SLCO1B3: variants seen among roughly 807,000 people sequenced by gnomAD.
SLCO1B3 encodes the protein liver-specific organic anion transporter 2.
Under a neutral mutation model 71.8 loss-of-function variants are expected in SLCO1B3, and 72 were observed. The observed-to-expected ratio is 1.00, with a 90% confidence interval of 0.83 to 1.22. The LOEUF is 1.22. Among genes scored for constraint, SLCO1B3 ranks in the 50% most tolerant of loss-of-function variants. SLCO1B3 has a pLI of 0.00. For missense variants in SLCO1B3, 911 were observed against 819.7 expected (o/e 1.11, Z -1.36); for synonymous variants, 298 against 278.4 (o/e 1.07, Z -0.70).
chr12:20,868,834 T>C (rs1865422490), intron 8 of SLCO1B3, among the ~76,000 whole-genome samples: 1 of 152,110 alleles, frequency 6.6e-6, no homozygotes, highest in Admixed American at 6.6e-5. Context: ...GTGGATCACA[T>C]GTCCACTAGA....
rs1865730660 is a variant in SLCO1B3, at chr12:20,883,425, A to G, written c.1505A>G (p.Tyr502Cys). The change falls in exon 13 of 16, where the codon TAT becomes TGT. Residue 502 changes from tyrosine (Y) to cysteine (C), a missense_variant. Tyr to Cys is a radical substitution (Grantham distance 194). Transcript: ENST00000381545. ...SSGIKKHTVF[Y>C]NCSCVEVTGL... ...TTCAAAAACTATTTTTAGGTGTTTT[A>G]TAACTGTAGTTGTGTGGAAGTAACT... 3.3e-6 allele frequency: 5 copies of G among 1,531,850 alleles called. No homozygotes were observed. In the African/African-American group the frequency reaches 7.1e-5, roughly 22 times the overall value. 94.9% of individuals were successfully genotyped at this position (1,531,850 alleles called of 1,614,324 possible).
At chr12:20,912,095 T>G (rs1174336860) in intron 15 of SLCO1B3, among the ~76,000 whole-genome samples, 1 of 152,050 alleles carries the variant, frequency 6.6e-6, no homozygotes, top group Non-Finnish European at 1.5e-5. Flanking sequence ...TAATTTTATT[T>G]TCACTTATTT....
At chr12:20,820,237 T>C (rs1864269296) in intron 3 of SLCO1B3, among the ~76,000 whole-genome samples, 1 of 152,038 alleles carries the variant, frequency 6.6e-6, no homozygotes, top group South Asian at 2.1e-4. Context: ...TCCGTGATGG[T>C]CTATGGGGCT....
chr12:20,811,905 A>ATTTTTTT (rs11292391), intron 1 of SLCO1B3, among the ~76,000 whole-genome samples: 4,050 of 114,488 alleles, frequency 0.035, 174 homozygotes, highest in East Asian at 0.081. Context: ...TACTTGATAC[A>ATTTTTTT]TTTTTTTTTT....
At chr12:20,857,745 A>G (rs765163675) in intron 4 of SLCO1B3, among the ~76,000 whole-genome samples, 5 of 151,980 alleles carry the variant, frequency 3.3e-5, no homozygotes, top group Non-Finnish European at 5.9e-5. Context: ...TCGTGAAACT[A>G]TTTTCCATCA....
intron 3 of SLCO1B3, among the ~76,000 whole-genome samples, chr12:20,823,692 T>A (rs1233506670): frequency 6.6e-6 from 1 of 152,184 alleles, no homozygotes; most frequent in African/African-American, 2.4e-5. Context: ...AGATTAGACG[T>A]TTGTGAATGC....
At chr12:20,873,998 G>A (rs1187971681) in intron 8 of SLCO1B3, among the ~76,000 whole-genome samples, 1 of 152,104 alleles carries the variant, frequency 6.6e-6, no homozygotes, top group Non-Finnish European at 1.5e-5. Flanking sequence ...GCCTTATACA[G>A]TCTATCATTG....
intron 3 of SLCO1B3, among the ~76,000 whole-genome samples, chr12:20,844,002 ATTTAT>A (rs948217558): frequency 1.3e-5 from 2 of 151,850 alleles, no homozygotes; most frequent in African/African-American, 4.8e-5. Context: ...GAAAATGTGC[ATTTAT>A]TTTATTTTTT....
At chr12:20,820,202 T>C (rs906331059) in intron 3 of SLCO1B3, among the ~76,000 whole-genome samples, 2 of 152,150 alleles carry the variant, frequency 1.3e-5, no homozygotes, top group Admixed American at 6.5e-5. Context: ...TACCCTCCAC[T>C]GTGAGAGTTA....
At chr12:20,909,165 C>CTTTTTTTT (rs1006708034) in intron 15 of SLCO1B3, among the ~76,000 whole-genome samples, 4 of 123,862 alleles carry the variant, frequency 3.2e-5, no homozygotes, top group Non-Finnish European at 5.1e-5. Flanking sequence ...GCATCTTTTT[C>CTTTTTTTT]TTTTTTTTTT....
At chr12:20,882,372 A>C (rs1474347432) in intron 12 of SLCO1B3, among the ~76,000 whole-genome samples, 1 of 152,156 alleles carries the variant, frequency 6.6e-6, no homozygotes, top group Non-Finnish European at 1.5e-5. Flanking sequence ...GGAAAAAAGG[A>C]ATCTTTCTTG....
At chr12:20,899,804 T>A (rs1396691024) in intron 14 of SLCO1B3, among the ~76,000 whole-genome samples, 2 of 152,138 alleles carry the variant, frequency 1.3e-5, no homozygotes, top group African/African-American at 2.4e-5. Flanking sequence ...TAGAAAAAAA[T>A]TGAATTTTGC....
chr12:20,812,443 G>C (rs71436838), intron 1 of SLCO1B3, among the ~76,000 whole-genome samples: 3 of 152,112 alleles, frequency 2.0e-5, no homozygotes, highest in Admixed American at 6.6e-5. Context: ...AAACATTAAA[G>C]TGGTGTGATT....
In SLCO1B3 at chr12:20,875,457, A is replaced by C. The variant is rs772355903; in HGVS notation, c.950A>C (p.Asn317Thr). Residue 317 changes from asparagine (N) to threonine (T), a missense_variant, in exon 9 of 16, where the codon AAT becomes ACT. Coordinates refer to ENST00000381545, the MANE Select transcript of SLCO1B3 (RefSeq NM_019844.4). ...GCTAATTTGACCAACCAAGGAAAAA[A>C]TGTTACCAAAAATGTGACTGGTAGG... ...QTANLTNQGK[N>T]VTKNVTGFFQ... 1.2e-6 allele frequency: 2 copies of C among 1,601,954 alleles called. No homozygotes were observed. Among genetic ancestry groups the C allele is most frequent in the Non-Finnish European group, 1.7e-6 (2 of 1,177,530 alleles).
rs760361093 is a variant in SLCO1B3 at position 20,883,600 on chromosome 12, GAAGT to G, written c.1682+4_1682+7del. 14 of 1,579,182 alleles carry G rather than the reference GAAGT, an allele frequency of 8.9e-6. No homozygotes were observed. The highest frequency in any genetic ancestry group is 4.7e-5 in the East Asian group (2 of 42,450). On this transcript the variant is annotated splice_donor_variant and coding_sequence_variant, in exon 13 of 16. Transcript: ENST00000381545. LOFTEE classifies it high-confidence loss of function. ...GTACCACATTTATCTTGTTGACTGT[GAAGT>G]AAGTATGATCCTGTAAAACATTGTC...
At chr12:20,862,906 A>T (rs1180775471) in intron 8 of SLCO1B3, 52 bp downstream of exon 8, 1 of 936,836 alleles carries the variant, frequency 1.1e-6, no homozygotes, top group Non-Finnish European at 1.7e-6. Flanking sequence ...AGTGCAGGAC[A>T]CCATTCTTCC....
chr12:20,878,008 T>G (rs1027973509), intron 10 of SLCO1B3, 72 bp downstream of exon 10: 1 of 1,005,180 alleles, frequency 9.9e-7, no homozygotes, highest in Admixed American at 2.7e-5. Flanking sequence ...AAGTCACATT[T>G]TATTATGAAG....
intron 9 of SLCO1B3, 30 bp downstream of exon 9, chr12:20,875,507 G>A (rs1386514644): frequency 6.3e-7 from 1 of 1,582,558 alleles, no homozygotes; most frequent in Non-Finnish European, 8.5e-7. Flanking sequence ...TGTCAACTTG[G>A]AATTGTTAAT....
chr12:20,898,843 C>A (rs1591788378), intron 14 of SLCO1B3, among the ~76,000 whole-genome samples: 1 of 152,098 alleles, frequency 6.6e-6, no homozygotes, highest in African/African-American at 2.4e-5. Flanking sequence ...AGTGGAGGAC[C>A]TTCCTTCCAA....
Sources: allele counts gnomAD v4.1 joint callset (sites outside exome capture counted in the v4.1 genomes callset), GRCh38; gene constraint gnomAD v4.1.1; transcripts MANE v1.5; gene names NCBI Gene and HGNC (gene_info 2026-07-23, HGNC 2026-07-21).